AGAP1: variants seen among roughly 807,000 people sequenced by gnomAD.
AGAP1 encodes ArfGAP with GTPase domain, ankyrin repeat and PH domain 1.
Under a neutral mutation model 105.3 loss-of-function variants are expected in AGAP1, and 29 were observed. The ratio of observed to expected loss-of-function variants is 0.28; its 90% CI spans 0.21 to 0.38. The LOEUF is 0.38. AGAP1 is among the 10% of genes least tolerant of loss of function. The pLI is 1.00. For synonymous variants in AGAP1, 509 were observed against 485.9 expected (o/e 1.05, Z -0.63); for missense variants, 998 against 1,165.1 (o/e 0.86, Z 2.09).
chr2:235,823,208 CAT>C (rs1451522245), intron 9 of AGAP1, among the ~76,000 whole-genome samples: 4 of 152,086 alleles, frequency 2.6e-5, no homozygotes, highest in Admixed American at 6.5e-5. Context: ...TGATATGTAA[CAT>C]ATCATTATGT....
At chr2:235,678,097 C>T (rs934318847) in intron 1 of AGAP1, among the ~76,000 whole-genome samples, 5 of 152,098 alleles carry the variant, frequency 3.3e-5, no homozygotes, top group South Asian at 4.1e-4. Flanking sequence ...TGAGCCTGCG[C>T]GGCGCTGGCT....
At chr2:235,644,123 T>A (rs1415594887) in intron 1 of AGAP1, among the ~76,000 whole-genome samples, 1 of 152,194 alleles carries the variant, frequency 6.6e-6, no homozygotes, top group Non-Finnish European at 1.5e-5. Context: ...AGGTCAGCCT[T>A]GCAGACTTGT....
chr2:235,975,501 T>C (rs2054822577), intron 13 of AGAP1, among the ~76,000 whole-genome samples: 1 of 152,170 alleles, frequency 6.6e-6, no homozygotes, highest in Admixed American at 6.5e-5. Flanking sequence ...GCTTGTTTTG[T>C]TATTTAGAAT....
rs7579753 is a variant in AGAP1, at chr2:235,963,480, G to T, written c.1484-4982G>T. On this transcript the variant is annotated intron_variant, in intron 12 of 17. Coordinates refer to ENST00000304032, the MANE Select transcript of AGAP1 (RefSeq NM_001037131.3). This position sits in a 1 kb window ranked among gnomAD's most constrained non-coding sequence, Gnocchi z 5.1. ...AGAATGAATAGACATCAAATAGATG[G>T]CCCTTTATCGTTTTCAGTTGTCAAA... is the stretch of plus-strand genomic sequence containing the variant. 0.13 allele frequency among the ~76,000 whole-genome samples: 19,639 copies of T among 152,152 alleles called. 3,323 individuals carry two copies. Among genetic ancestry groups the T allele is most frequent in the African/African-American group, 0.39 (16,280 of 41,470 alleles).
Position 235,802,944 on chromosome 2 carries a change from ATGG to A in AGAP1, c.957+3428_957+3430del, listed in dbSNP as rs565730598. The stretch of plus-strand genomic sequence containing the variant: ...TGTGGTTGTGGTTATGATGGTTGTA[ATGG>A]TGGTGATGATGGTTGTGATGATGGT... On this transcript the variant is annotated intron_variant, in intron 8 of 17. Coordinates refer to ENST00000304032, the MANE Select transcript of AGAP1 (RefSeq NM_001037131.3). Among the ~76,000 whole-genome samples, 29 of 12,214 alleles carry A rather than the reference ATGG, an allele frequency of 2.4e-3. No homozygotes were observed. The East Asian group carries it at 0.05, about 21-fold the overall frequency. The allele number at this position is 12,214 out of a possible 152,430, so 8.0% of individuals were successfully genotyped here. A position where few individuals can be genotyped will look rare whatever the true frequency, so the allele number is the denominator to read the frequency against.
chr2:235,867,826 G>A lies in AGAP1; in HGVS notation c.1051-15519G>A, dbSNP rs1364449867. 6.6e-6 allele frequency among the ~76,000 whole-genome samples: 1 copy of A among 152,146 alleles called. No individual in the cohort carries two copies. The highest frequency in any genetic ancestry group is 2.4e-5 in the African/African-American group (1 of 41,424). ...GTGGGGGAAGAATAGGTCACAGCTTGTATGACCCGTGTGCTTCTCCAGTTT... is the reference window on the plus strand; with the variant it reads ...GTGGGGGAAGAATAGGTCACAGCTTATATGACCCGTGTGCTTCTCCAGTTT... On this transcript the variant is annotated intron_variant, in intron 9 of 17. Coordinates refer to ENST00000304032, the MANE Select transcript of AGAP1 (RefSeq NM_001037131.3). This position sits in a 1 kb window ranked among gnomAD's most constrained non-coding sequence, Gnocchi z 5.4.
chr2:236,098,149 C>T (rs985960240), intron 16 of AGAP1, among the ~76,000 whole-genome samples: 1 of 152,174 alleles, frequency 6.6e-6, no homozygotes, highest in African/African-American at 2.4e-5. Flanking sequence ...TGAACGTGGA[C>T]ATACAAATGT....
intron 1 of AGAP1, among the ~76,000 whole-genome samples, chr2:235,607,469 G>A (rs1295715603): frequency 6.6e-6 from 1 of 152,228 alleles, no homozygotes; most frequent in Non-Finnish European, 1.5e-5. Flanking sequence ...AGGGCAGGAG[G>A]AGCTGTTCTG....
chr2:235,518,137 C>T (rs961061984), intron 1 of AGAP1, among the ~76,000 whole-genome samples: 1 of 152,100 alleles, frequency 6.6e-6, no homozygotes, highest in Non-Finnish European at 1.5e-5. Flanking sequence ...AAGGGCTGTG[C>T]CCATCTCTCC....
chr2:235,512,878 G>A (rs1439263791), intron 1 of AGAP1, among the ~76,000 whole-genome samples: 1 of 152,176 alleles, frequency 6.6e-6, no homozygotes, highest in Non-Finnish European at 1.5e-5. Flanking sequence ...TCTTTTAAGT[G>A]CTTTGGATGT....
At position 235,930,356 on chromosome 2, in the gene AGAP1, T is replaced by G. The variant is rs939879412; in HGVS notation, c.1325-409T>G. Among the ~76,000 whole-genome samples the G allele has an allele frequency of 2.6e-5, 4 of 152,224 alleles. No homozygotes were observed. The highest frequency in any genetic ancestry group is 2.6e-4 in the Admixed American group (4 of 15,282). On this transcript the variant is annotated intron_variant, in intron 11 of 17. Coordinates refer to ENST00000304032, the MANE Select transcript of AGAP1 (RefSeq NM_001037131.3). The surrounding 1 kb of genome is among the most constrained non-coding windows in gnomAD (Gnocchi z 7.9). Reference sequence around the variant, plus strand: ...GTTGACTCTCAATGGGTGATCATTTTCTGTTCCATTGGTAGGGTGACATGG... The same window carrying G: ...GTTGACTCTCAATGGGTGATCATTTGCTGTTCCATTGGTAGGGTGACATGG...
chr2:235,749,937 G>C (rs960052701), intron 5 of AGAP1, among the ~76,000 whole-genome samples: 1 of 152,198 alleles, frequency 6.6e-6, no homozygotes, highest in Non-Finnish European at 1.5e-5. Flanking sequence ...CATTTATTAA[G>C]TGCGTCATTG....
At chr2:235,856,778 A>G (rs569468186) in intron 9 of AGAP1, among the ~76,000 whole-genome samples, 2 of 152,344 alleles carry the variant, frequency 1.3e-5, no homozygotes, top group East Asian at 3.9e-4. Flanking sequence ...TCCCTTGCCC[A>G]AGTTGTCATG....
Position 236,045,281 on chromosome 2 carries a change from C to T in AGAP1, c.1892-3778C>T, listed in dbSNP as rs1186625723. 6.6e-6 allele frequency among the ~76,000 whole-genome samples: 1 copy of T among 152,110 alleles called. No homozygotes were observed. The highest frequency in any genetic ancestry group is 1.5e-5 in the Non-Finnish European group (1 of 68,016). The stretch of plus-strand genomic sequence containing the variant: ...AATCTACGTCCTGCATTTCTGTGGG[C>T]AGGGATTTTTCTCCGTTTTGTTCAC... On this transcript the variant is annotated intron_variant, in intron 15 of 17. Transcript: ENST00000304032. The surrounding 1 kb of genome is among the most constrained non-coding windows in gnomAD (Gnocchi z 6.9).
chr2:236,049,697 A>G (rs61003070), intron 16 of AGAP1: 35,286 of 153,872 alleles, frequency 0.23, 4,388 homozygotes, highest in African/African-American at 0.33. Context: ...ATCACACAAA[A>G]GTTATTTTTA....
chr2:235,891,171 G>T lies in AGAP1; in HGVS notation c.1155+7722G>T, dbSNP rs1308922908. Among the ~76,000 whole-genome samples, 1 of 152,104 alleles carries T rather than the reference G, an allele frequency of 6.6e-6. No homozygotes were observed. Among genetic ancestry groups the T allele is most frequent in the East Asian group, 1.9e-4 (1 of 5,194 alleles). ...GTCCCAGGCAATCTGGGACCTGGCCGCACTTGCTGCAGTACTGACCGCCCT... is the reference window on the plus strand; with the variant it reads ...GTCCCAGGCAATCTGGGACCTGGCCTCACTTGCTGCAGTACTGACCGCCCT... On this transcript the variant is annotated intron_variant, in intron 10 of 17. Coordinates refer to ENST00000304032, the MANE Select transcript of AGAP1 (RefSeq NM_001037131.3). The surrounding 1 kb of genome is among the most constrained non-coding windows in gnomAD (Gnocchi z 4.2).
Position 235,979,634 on chromosome 2 carries a change from A to G in AGAP1, c.1645+11011A>G, listed in dbSNP as rs528792168. Among the ~76,000 whole-genome samples the G allele has an allele frequency of 2.9e-3, 444 of 152,304 alleles. 1 individual carries two copies. Among genetic ancestry groups the G allele is most frequent in the Non-Finnish European group, 4.9e-3 (330 of 68,026 alleles). On this transcript the variant is annotated intron_variant, in intron 13 of 17. Coordinates refer to ENST00000304032, the MANE Select transcript of AGAP1 (RefSeq NM_001037131.3). The surrounding 1 kb of genome is among the most constrained non-coding windows in gnomAD (Gnocchi z 4.5). ...TTCCGGCAGGCATTGCCGTGCACGG[A>G]CACACAACTTCACAAGGGCCTCTTG...
In AGAP1 at chr2:235,915,568, G is replaced by A. The variant is rs1388743686; in HGVS notation, c.1324+6662G>A. On this transcript the variant is annotated intron_variant, in intron 11 of 17. Coordinates refer to ENST00000304032, the MANE Select transcript of AGAP1 (RefSeq NM_001037131.3). ...AGTGGCGAGTGCCTGTGGTCCCAGG[G>A]GAGACTGAGGTGGGAGAATAGCTTG... Among the ~76,000 whole-genome samples the A allele has an allele frequency of 3.3e-5, 5 of 152,110 alleles. No individual in the cohort carries two copies. The East Asian group carries it at 5.8e-4, about 18-fold the overall frequency.
intron 6 of AGAP1, among the ~76,000 whole-genome samples, chr2:235,766,080 G>C (rs1954927251): frequency 6.6e-6 from 1 of 152,210 alleles, no homozygotes; most frequent in African/African-American, 2.4e-5. Context: ...TTTTATGAAT[G>C]TCGTACTTAG....
Sources: gnomAD v4.1 joint callset for allele counts (sites outside exome capture counted in the v4.1 genomes callset) on GRCh38, gnomAD v4.1.1 for gene constraint, Gnocchi (gnomAD v3.1) non-coding constraint, MANE v1.5 for transcripts, NCBI Gene and HGNC (gene_info 2026-07-23, HGNC 2026-07-21) for gene names.